TPO: variants seen among roughly 807,000 people sequenced by gnomAD.
TPO encodes thyroid peroxidase, also known as thyroid microsomal antigen.
TPO carries 78 observed loss-of-function variants against 96.9 expected under a neutral mutation model. That is an observed-to-expected ratio of 0.81 (90% CI 0.67 to 0.97). TPO has a LOEUF of 0.97. Among genes scored for constraint, TPO ranks in the 50% least tolerant of loss-of-function variants. The pLI is 0.00. For missense variants in TPO, 1,252 were observed against 1,274.8 expected (o/e 0.98, Z 0.27); for synonymous variants, 547 against 538.0 (o/e 1.02, Z -0.23).
chr2:1,527,667 A>T (rs1428742435), intron 15 of TPO, among the ~76,000 whole-genome samples: 2 of 109,856 alleles, frequency 1.8e-5, no homozygotes, highest in African/African-American at 7.5e-5. Flanking sequence ...AATCTGTGCA[A>T]CCTCCCCAAA....
At chr2:1,396,651 G>A (rs756150392) in intron 1 of TPO, among the ~76,000 whole-genome samples, 2 of 152,152 alleles carry the variant, frequency 1.3e-5, no homozygotes, top group African/African-American at 2.4e-5. Flanking sequence ...TGGGCATCGC[G>A]TCACGGGGAG....
At chr2:1,453,603 T>A (rs1461075669) in intron 5 of TPO, 91 bp from the exon 6 acceptor site, 1 of 1,606,014 alleles carries the variant, frequency 6.2e-7, no homozygotes, top group Non-Finnish European at 8.5e-7. Flanking sequence ...CCCCACTTAT[T>A]CTCCCTGAGA....
intron 3 of TPO, 33 bp from the exon 4 acceptor site, chr2:1,433,401 CAAAT>C: frequency 6.2e-7 from 1 of 1,610,384 alleles, no homozygotes; most frequent in Non-Finnish European, 8.5e-7. Flanking sequence ...ATACCATAGA[CAAAT>C]AATCTATTTT....
chr2:1,445,756 G>A lies in TPO; in HGVS notation c.483-7938G>A, dbSNP rs1349305258. Among the ~76,000 whole-genome samples, 55 of 92,010 alleles carry A rather than the reference G, an allele frequency of 6.0e-4. 1 individual carries two copies. Among genetic ancestry groups the A allele is most frequent in the Non-Finnish European group, 1.9e-4 (8 of 41,308 alleles). The allele number at this position is 92,010 out of a possible 152,430, so 60.4% of individuals were successfully genotyped here. A position where few individuals can be genotyped will look rare whatever the true frequency, so the allele number is the denominator to read the frequency against. On this transcript the variant is annotated intron_variant, in intron 5 of 16. Transcript: ENST00000329066. ...TGCTGCAGGAGGTACCATGTTGGAAGGGAATGGGGTAGGCTCCTTCTTGTT... is the reference window on the plus strand; with the variant it reads ...TGCTGCAGGAGGTACCATGTTGGAAAGGAATGGGGTAGGCTCCTTCTTGTT...
intron 8 of TPO, among the ~76,000 whole-genome samples, chr2:1,479,953 T>C (rs1006371601): frequency 6.6e-6 from 1 of 152,162 alleles, no homozygotes; most frequent in African/African-American, 2.4e-5. Flanking sequence ...AGCTGATTTT[T>C]ATATTTTTAA....
At chr2:1,475,414 CTT>C (rs1298025325) in intron 7 of TPO, among the ~76,000 whole-genome samples, 1 of 145,324 alleles carries the variant, frequency 6.9e-6, no homozygotes. Flanking sequence ...AGTGGAAGCG[CTT>C]TTTTTTTTTC....
Position 1,487,971 on chromosome 2 carries a change from G to T in TPO, c.1748G>T (p.Gly583Val). 6.2e-7 allele frequency: 1 copy of T among 1,613,586 alleles called. No homozygotes were observed. Among genetic ancestry groups the T allele is most frequent in the Non-Finnish European group, 8.5e-7 (1 of 1,180,038 alleles). The change falls in exon 10 of 17, where the codon GGC (glycine) becomes GTC (valine). Residue 583 changes from glycine (G) to valine (V), a missense_variant. Physicochemically the swap from Gly to Val is moderately radical, Grantham distance 109 (BLOSUM62 -3). Transcript: ENST00000329066. ...CTGGCGTCCATCAACCTGCAGAGGG[G>T]CCGGGACCACGGGCTGCCAGGTCTG... ...LDLASINLQR[G>V]RDHGLPGYNE...
At chr2:1,534,482 T>TCCCCAAACC in intron 15 of TPO, among the ~76,000 whole-genome samples, 1 of 71,400 alleles carries the variant, frequency 1.4e-5, no homozygotes, top group Admixed American at 2.2e-4. Flanking sequence ...CTGTGCAAAC[T>TCCCCAAACC]CCCCAAACCC....
At chr2:1,484,061 A>T (rs1257163978) in intron 8 of TPO, among the ~76,000 whole-genome samples, 1 of 152,198 alleles carries the variant, frequency 6.6e-6, no homozygotes, top group Non-Finnish European at 1.5e-5. Flanking sequence ...GTCTGAAAGA[A>T]ACACTGTTAA....
chr2:1,519,854 C>T (rs28913035), intron 15 of TPO, among the ~76,000 whole-genome samples: 12,660 of 152,180 alleles, frequency 0.083, 1,325 homozygotes, highest in African/African-American at 0.24. Flanking sequence ...AGCCCACACT[C>T]ACAAGAAAAA....
At chr2:1,509,242 T>G (rs1313762973) in intron 14 of TPO, among the ~76,000 whole-genome samples, 2 of 152,218 alleles carry the variant, frequency 1.3e-5, no homozygotes, top group Non-Finnish European at 2.9e-5. Context: ...TGCACTGTGG[T>G]CGGAGAGACG....
chr2:1,377,834 G>A (rs993352697), intron 1 of TPO, among the ~76,000 whole-genome samples: 2 of 152,164 alleles, frequency 1.3e-5, no homozygotes, highest in Non-Finnish European at 2.9e-5. Context: ...TTCACCCCCA[G>A]CTCCAGACTC....
chr2:1,491,808 A>G (rs1671791954), intron 10 of TPO, among the ~76,000 whole-genome samples: 1 of 152,222 alleles, frequency 6.6e-6, no homozygotes, highest in Non-Finnish European at 1.5e-5. Flanking sequence ...GGAGAGACAC[A>G]GAGCCTCTTG....
intron 1 of TPO, among the ~76,000 whole-genome samples, chr2:1,403,230 G>T (rs1662197586): frequency 6.6e-6 from 1 of 152,178 alleles, no homozygotes; most frequent in Admixed American, 6.5e-5. Flanking sequence ...GTGGGAGCTT[G>T]TCCGGGGTGC....
intron 15 of TPO, among the ~76,000 whole-genome samples, chr2:1,537,449 T>TCCCCACTGTGTGCCACCTCCCCAAATCC (rs1680026897): frequency 3.2e-5 from 1 of 31,300 alleles, no homozygotes; most frequent in Non-Finnish European, 5.7e-5. Flanking sequence ...CTCCCAAATC[T>TCCCCACTGTGTGCCACCTCCCCAAATCC]CCCCACTGTG....
intron 7 of TPO, among the ~76,000 whole-genome samples, chr2:1,470,324 C>A (rs1338877744): frequency 6.6e-6 from 1 of 152,112 alleles, no homozygotes; most frequent in Non-Finnish European, 1.5e-5. Flanking sequence ...TTTGTTAGAT[C>A]TTTGCTGCAA....
chr2:1,496,163 G>A lies in TPO; in HGVS notation c.2181G>A (p.Met727Ile). 6.2e-7 allele frequency: 1 copy of A among 1,614,140 alleles called. No homozygotes were observed. Among genetic ancestry groups the A allele is most frequent in the Non-Finnish European group, 8.5e-7 (1 of 1,180,034 alleles). ...DFESCDSITG[M>I]NLEAWRETFP... is the part of the protein sequence containing the mutation. Reference sequence around the variant, plus strand: ...AGTCTTGTGACAGCATCACTGGCATGAACCTGGAGGCCTGGAGGGAAACCT... The same window carrying A: ...AGTCTTGTGACAGCATCACTGGCATAAACCTGGAGGCCTGGAGGGAAACCT... The change falls in exon 12 of 17, where the codon ATG becomes ATA. Residue 727 changes from methionine (M) to isoleucine (I), a missense_variant. By Grantham distance (10) the Met-to-Ile change is conservative. Coordinates refer to ENST00000329066, the MANE Select transcript of TPO (RefSeq NM_001206744.2).
At position 1,501,421 on chromosome 2, in the gene TPO, C is replaced by CAAGGGGG. The variant is rs1672863751; in HGVS notation, c.2387-2527_2387-2526insAAGGGGG. ...TCTTCAGACAAGGCCGATTTGTCCC[C>CAAGGGGG]CTCCTTCCTGTCCATCCTGGGAAGG... is the stretch of plus-strand genomic sequence containing the variant. On this transcript the variant is annotated intron_variant, in intron 13 of 16. Coordinates refer to ENST00000329066, the MANE Select transcript of TPO (RefSeq NM_001206744.2). 9.8e-5 allele frequency among the ~76,000 whole-genome samples: 15 copies of CAAGGGGG among 152,332 alleles called. No homozygotes were observed. In the South Asian group the frequency reaches 3.1e-3, roughly 32 times the overall value.
intron 8 of TPO, among the ~76,000 whole-genome samples, chr2:1,483,784 G>C (rs1311477227): frequency 6.6e-6 from 1 of 152,194 alleles, no homozygotes; most frequent in Non-Finnish European, 1.5e-5. Flanking sequence ...TGAAGGCCCA[G>C]GCCACACAAG....
Sources: allele counts gnomAD v4.1 joint callset (sites outside exome capture counted in the v4.1 genomes callset), GRCh38; gene constraint gnomAD v4.1.1; transcripts MANE v1.5; gene names NCBI Gene and HGNC (gene_info 2026-07-23, HGNC 2026-07-21).